Variants in RFX2 observed in about 807,000 individuals in gnomAD.
The protein encoded by RFX2 is DNA-binding protein RFX2.
RFX2 carries 20 observed loss-of-function variants against 87.8 expected under a neutral mutation model. That is an observed-to-expected ratio of 0.23 (90% CI 0.16 to 0.33). The LOEUF (loss-of-function observed/expected upper bound fraction) is 0.33, where lower values mean the gene tolerates loss of function less well. Ranked by LOEUF, RFX2 falls within the 10% of genes least tolerant of loss-of-function variation. RFX2 has a pLI of 1.00. For missense variants in RFX2, 767 were observed against 1,012.3 expected, an observed-to-expected ratio of 0.76 and a Z score of 3.29; for synonymous variants, 397 against 431.3, an observed-to-expected ratio of 0.92 and a Z score of 0.98.
In RFX2 at chr19:6,100,495, A is replaced by AC. The variant is rs1315734137; in HGVS notation, c.-9+9897dup. 9.9e-5 allele frequency among the ~76,000 whole-genome samples: 15 copies of AC among 152,270 alleles called. No homozygotes were observed. The South Asian group carries it at 3.1e-3, about 32-fold the overall frequency. On this transcript the variant is annotated intron_variant, in intron 1 of 17. Coordinates refer to ENST00000303657, the MANE Select transcript of RFX2 (RefSeq NM_000635.4). ...GATTAGGCAGGAGGCTTTGGCGGCG[A>AC]CCGGAAGGCTGGAGAATTATTGCCT...
rs2086507513 is a variant in RFX2 at position 6,002,652 on chromosome 19, T to C, written c.1650+69A>G. Reference sequence around the variant, plus strand: ...GGCCAGGTTGTGCCACGGGCTCCACTTGGTGGGTTTGCTGGTTTTGCTGGA... The same window carrying C: ...GGCCAGGTTGTGCCACGGGCTCCACCTGGTGGGTTTGCTGGTTTTGCTGGA... On this transcript the variant is annotated intron_variant, in intron 14 of 17. Coordinates refer to ENST00000303657, the MANE Select transcript of RFX2 (RefSeq NM_000635.4). This position sits in a 1 kb window ranked among gnomAD's most constrained non-coding sequence, Gnocchi z 6.7. The C allele has an allele frequency of 6.3e-7, 1 of 1,584,304 alleles. No individual in the cohort carries two copies. The highest frequency in any genetic ancestry group is 1.3e-5 in the African/African-American group (1 of 74,454).
chr19:6,068,662 C>T (rs550381199), intron 1 of RFX2, among the ~76,000 whole-genome samples: 2 of 151,890 alleles, frequency 1.3e-5, no homozygotes, highest in Admixed American at 6.6e-5. Context: ...ACAAAGGCCC[C>T]GAGGTGGGAC....
rs894393745 is a variant in RFX2, at chr19:6,027,063, CA to C, written c.523-827del. ...TTGTCCTAGACTCGCACACGGAAAA[CA>C]GCGACGTAAAATCTGCTGCAGCCCA... On this transcript the variant is annotated intron_variant, in intron 5 of 17. Coordinates refer to ENST00000303657, the MANE Select transcript of RFX2 (RefSeq NM_000635.4). This position sits in a 1 kb window ranked among gnomAD's most constrained non-coding sequence, Gnocchi z 5.0. 6.6e-6 allele frequency: 1 copy of C among 152,288 alleles called. No homozygotes were observed. Among genetic ancestry groups the C allele is most frequent in the African/African-American group, 2.4e-5 (1 of 41,432 alleles). 9.4% of individuals were successfully genotyped at this position (152,288 alleles called of 1,614,324 possible).
chr19:6,108,850 C>G (rs2088262212), intron 1 of RFX2, among the ~76,000 whole-genome samples: 1 of 152,124 alleles, frequency 6.6e-6, no homozygotes, highest in African/African-American at 2.4e-5. Flanking sequence ...CGCTTGGGGC[C>G]CTCGGGGGCC....
chr19:6,062,190 A>C (rs2087443636), intron 1 of RFX2, among the ~76,000 whole-genome samples: 1 of 152,162 alleles, frequency 6.6e-6, no homozygotes, highest in Non-Finnish European at 1.5e-5. Flanking sequence ...AAAACAAAAC[A>C]ATGAAAAACA....
rs574289312 is a variant in RFX2, at chr19:5,997,944, T to G, written c.1860-731A>C. On this transcript the variant is annotated intron_variant, in intron 15 of 17. Transcript: ENST00000303657. The surrounding 1 kb of genome is among the most constrained non-coding windows in gnomAD (Gnocchi z 4.2). ...GTCATGCCCGTTCCTATGTTGTCTT[T>G]CCTAGGATGGCTGCAAATACTACCT... 1.6e-4 allele frequency among the ~76,000 whole-genome samples: 25 copies of G among 152,256 alleles called. No individual in the cohort carries two copies. The highest frequency in any genetic ancestry group is 3.9e-4 in the Admixed American group (6 of 15,300).
rs1240924572 is a variant in RFX2 at position 5,997,134 on chromosome 19, C to T, written c.1939G>A (p.Glu647Lys). ...TGCTCCACCAGGTAGAACATGTACTCGTCGTAGAGCAGGCGGATGAGGTGG... is the reference window on the plus strand; with the variant it reads ...TGCTCCACCAGGTAGAACATGTACTTGTCGTAGAGCAGGCGGATGAGGTGG... ...SFHLIRLLYD[E>K]YMFYLVEHRV... Residue 647 changes from glutamate to lysine, a missense_variant, in exon 16 of 18, where the codon GAG becomes AAG. Coordinates refer to ENST00000303657, the MANE Select transcript of RFX2 (RefSeq NM_000635.4). The surrounding 1 kb of genome is among the most constrained non-coding windows in gnomAD (Gnocchi z 4.2). 6.2e-7 allele frequency: 1 copy of T among 1,613,748 alleles called. No individual in the cohort carries two copies. The highest frequency in any genetic ancestry group is 8.5e-7 in the Non-Finnish European group (1 of 1,179,998).
At chr19:6,000,801 A>G (rs1159757461) in intron 15 of RFX2, among the ~76,000 whole-genome samples, 1 of 152,268 alleles carries the variant, frequency 6.6e-6, no homozygotes, top group Non-Finnish European at 1.5e-5. Flanking sequence ...GAATGGACTA[A>G]TAATACAGGT....
chr19:6,001,440 T>C lies in RFX2; in HGVS notation c.1859+375A>G, dbSNP rs560310267. ...CCACGTCCAGCTAAGTTTTTTTACT[T>C]TTTGTAGAGGTCCTGATATTTTCCC... On this transcript the variant is annotated intron_variant, in intron 15 of 17. Coordinates refer to ENST00000303657, the MANE Select transcript of RFX2 (RefSeq NM_000635.4). The surrounding 1 kb of genome is among the most constrained non-coding windows in gnomAD (Gnocchi z 5.6). Among the ~76,000 whole-genome samples the C allele has an allele frequency of 6.6e-6, 1 of 152,292 alleles. No homozygotes were observed. Among genetic ancestry groups the C allele is most frequent in the Admixed American group, 6.5e-5 (1 of 15,302 alleles).
At chr19:6,103,879 A>G (rs1447289621) in intron 1 of RFX2, among the ~76,000 whole-genome samples, 1 of 152,166 alleles carries the variant, frequency 6.6e-6, no homozygotes, top group Non-Finnish European at 1.5e-5. Flanking sequence ...TAAAAAACTG[A>G]TCATCCCAGG....
At position 6,044,204 on chromosome 19, in the gene RFX2, C is replaced by A; in HGVS notation, c.169G>T (p.Val57Leu). Residue 57 changes from valine to leucine, a missense_variant, in exon 3 of 18, where the codon GTA becomes TTA. This residue lies in a region of RFX2 where 146 missense variants were observed against 139.2 expected (regional missense o/e 1.05). Transcript: ENST00000303657. This position sits in a 1 kb window ranked among gnomAD's most constrained non-coding sequence, Gnocchi z 5.3. ...GTGCTTGTCATTACCTGCTGGGGTA[C>A]CTGCTGAACTCTGGGGAGGGAGATC... ...QPISLPRVQQVPQQVQPVQHV... is the reference protein window; with the variant it reads ...QPISLPRVQQLPQQVQPVQHV... 1 of 1,565,398 alleles carries A rather than the reference C, an allele frequency of 6.4e-7. No individual in the cohort carries two copies.
intron 5 of RFX2, among the ~76,000 whole-genome samples, chr19:6,030,268 CACAA>C (rs1378444164): frequency 3.9e-5 from 6 of 152,106 alleles, no homozygotes; most frequent in Admixed American, 1.3e-4. Context: ...GAAGTGGCGT[CACAA>C]ACAAAGAATC....
Position 6,021,459 on chromosome 19 carries a change from C to T in RFX2, c.597+4704G>A, listed in dbSNP as rs1318451083. ...ATTCACCTGGGAAAGGGGATGGGGT[C>T]GCCGCCACGGAGGGACTGGAGGGAG... On this transcript the variant is annotated intron_variant, in intron 6 of 17. Transcript: ENST00000303657. The surrounding 1 kb of genome is among the most constrained non-coding windows in gnomAD (Gnocchi z 5.7). 6.6e-6 allele frequency among the ~76,000 whole-genome samples: 1 copy of T among 152,120 alleles called. No individual in the cohort carries two copies. Among genetic ancestry groups the T allele is most frequent in the African/African-American group, 2.4e-5 (1 of 41,436 alleles).
At chr19:5,996,623 G>A (rs2086416309) in intron 16 of RFX2, among the ~76,000 whole-genome samples, 1 of 152,240 alleles carries the variant, frequency 6.6e-6, no homozygotes, top group Non-Finnish European at 1.5e-5. Context: ...ACTGGACAGA[G>A]GTGCCAGCTG....
intron 1 of RFX2, among the ~76,000 whole-genome samples, chr19:6,060,263 T>A (rs780645379): frequency 1.3e-5 from 2 of 152,198 alleles, no homozygotes; most frequent in Non-Finnish European, 2.9e-5. Context: ...CCATTATCTA[T>A]GATGGCTTTT....
intron 5 of RFX2, among the ~76,000 whole-genome samples, chr19:6,035,754 T>C (rs908130691): frequency 6.6e-6 from 1 of 152,124 alleles, no homozygotes; most frequent in Non-Finnish European, 1.5e-5. Context: ...TGGATGTTCT[T>C]ATGCCAACAA....
intron 10 of RFX2, 45 bp downstream of exon 10, chr19:6,008,061 C>T (rs1195215354): frequency 8.4e-6 from 12 of 1,431,410 alleles, no homozygotes; most frequent in Admixed American, 3.9e-5. Flanking sequence ...TGGCGGTTCC[C>T]GGGAGGGACA....
In RFX2 at chr19:5,998,634, C is replaced by G. The variant is rs1309662861; in HGVS notation, c.1860-1421G>C. Among the ~76,000 whole-genome samples the G allele has an allele frequency of 6.6e-6, 1 of 152,178 alleles. No homozygotes were observed. The highest frequency in any genetic ancestry group is 1.5e-5 in the Non-Finnish European group (1 of 68,028). On this transcript the variant is annotated intron_variant, in intron 15 of 17. Transcript: ENST00000303657. This position sits in a 1 kb window ranked among gnomAD's most constrained non-coding sequence, Gnocchi z 4.2. ...CCACCCAGGTTGGCTTCCAAGCCCCCTTTCCCCAAAGGCCTCCCCCACGCA... is the reference window on the plus strand; with the variant it reads ...CCACCCAGGTTGGCTTCCAAGCCCCGTTTCCCCAAAGGCCTCCCCCACGCA...
At chr19:6,088,845 G>A (rs768262306) in intron 1 of RFX2, among the ~76,000 whole-genome samples, 1 of 152,142 alleles carries the variant, frequency 6.6e-6, no homozygotes, top group Non-Finnish European at 1.5e-5. Context: ...CAGGTCAAGC[G>A]CTCGCTGTCA....
Sources: allele counts gnomAD v4.1 joint callset (sites outside exome capture counted in the v4.1 genomes callset), GRCh38; gene constraint gnomAD v4.1.1; regional missense constraint gnomAD v4.1.1; non-coding constraint Gnocchi (gnomAD v3.1); transcripts MANE v1.5; gene names NCBI Gene and HGNC (gene_info 2026-07-23, HGNC 2026-07-21).